The following SAMD12 variants were observed in gnomAD, a reference collection of about 807,000 sequenced individuals.
SAMD12 encodes the protein sterile alpha motif domain-containing protein 12.
Under a neutral mutation model 15.0 loss-of-function variants are expected in SAMD12, and 9 were observed. The observed-to-expected ratio is 0.60, with a 90% confidence interval of 0.36 to 1.05. The LOEUF is 1.05. SAMD12 is among the 50% of genes least tolerant of loss of function. The pLI, the probability that SAMD12 is intolerant of heterozygous loss-of-function variation, is 0.01. For synonymous variants in SAMD12, 86 were observed against 90.1 expected, an observed-to-expected ratio of 0.96 and a Z score of 0.25; for missense variants, 230 against 234.2, an observed-to-expected ratio of 0.98 and a Z score of 0.12.
chr8:118,478,117 C>G (rs1824016641), intron 2 of SAMD12, among the ~76,000 whole-genome samples: 1 of 151,952 alleles, frequency 6.6e-6, no homozygotes, highest in African/African-American at 2.4e-5. Context: ...TAATCACCAT[C>G]CAATTACCTA....
intron 2 of SAMD12, among the ~76,000 whole-genome samples, chr8:118,446,651 T>C (rs906192502): frequency 5.9e-5 from 9 of 152,246 alleles, no homozygotes; most frequent in Non-Finnish European, 1.0e-4. Flanking sequence ...TAAACATTAA[T>C]GCTTCAAAAC....
At chr8:118,255,757 T>A (rs1314404048) in intron 4 of SAMD12, among the ~76,000 whole-genome samples, 1 of 152,060 alleles carries the variant, frequency 6.6e-6, no homozygotes, top group African/African-American at 2.4e-5. Flanking sequence ...TCTATCATTG[T>A]TGGACATTTG....
At chr8:118,417,569 T>C (rs1248583278) in intron 3 of SAMD12, among the ~76,000 whole-genome samples, 3 of 152,214 alleles carry the variant, frequency 2.0e-5, no homozygotes, top group Non-Finnish European at 4.4e-5. Context: ...TAGCAACTTA[T>C]AATAAATTAC....
At chr8:118,360,330 A>G (rs1818428781) in intron 4 of SAMD12, among the ~76,000 whole-genome samples, 1 of 152,190 alleles carries the variant, frequency 6.6e-6, no homozygotes, top group African/African-American at 2.4e-5. Context: ...AACTCAAGGG[A>G]CCAATCGACT....
chr8:118,285,059 A>G (rs1813897304), intron 4 of SAMD12: 1 of 151,446 alleles, frequency 6.6e-6, no homozygotes, highest in Non-Finnish European at 1.5e-5. Flanking sequence ...TCATTTTTAT[A>G]CTCTGTTATA....
chr8:118,620,941 A>T (rs1253731098), intron 1 of SAMD12: 1 of 152,238 alleles, frequency 6.6e-6, no homozygotes, highest in Non-Finnish European at 1.5e-5. Flanking sequence ...CTAATGTGAC[A>T]TCACAAACCC....
chr8:118,304,530 C>A (rs1034786424), intron 4 of SAMD12, among the ~76,000 whole-genome samples: 1 of 151,908 alleles, frequency 6.6e-6, no homozygotes, highest in African/African-American at 2.4e-5. Context: ...GAGGCTGAGC[C>A]GGGTGGATCA....
At chr8:118,397,126 T>A (rs1045779131) in intron 3 of SAMD12, among the ~76,000 whole-genome samples, 6 of 152,206 alleles carry the variant, frequency 3.9e-5, no homozygotes, top group African/African-American at 1.4e-4. Context: ...AAAGTGGGCA[T>A]GTTGCTATAC....
intron 2 of SAMD12, among the ~76,000 whole-genome samples, chr8:118,469,950 G>A (rs1823744036): frequency 6.6e-6 from 1 of 152,060 alleles, no homozygotes; most frequent in African/African-American, 2.4e-5. Flanking sequence ...ACAGAGAAGT[G>A]TCTTAATAAA....
intron 4 of SAMD12, among the ~76,000 whole-genome samples, chr8:118,279,953 G>A (rs1813573060): frequency 6.6e-6 from 1 of 152,208 alleles, no homozygotes; most frequent in Non-Finnish European, 1.5e-5. Flanking sequence ...CCCTATGTTG[G>A]CAAGTTTCTT....
chr8:118,309,328 T>C (rs1443630366), intron 4 of SAMD12, among the ~76,000 whole-genome samples: 1 of 152,158 alleles, frequency 6.6e-6, no homozygotes, highest in African/African-American at 2.4e-5. Flanking sequence ...TATTTCGTTC[T>C]TTCTTATGGC....
intron 3 of SAMD12, among the ~76,000 whole-genome samples, chr8:118,422,610 C>A (rs77381051): frequency 6.6e-6 from 1 of 152,054 alleles, no homozygotes; most frequent in Non-Finnish European, 1.5e-5. Flanking sequence ...GGAATTGTGA[C>A]GTTATTCAGT....
chr8:118,334,871 G>A (rs565729136), intron 4 of SAMD12, among the ~76,000 whole-genome samples: 1 of 152,258 alleles, frequency 6.6e-6, no homozygotes, highest in South Asian at 2.1e-4. Context: ...TGGATTACGG[G>A]CATGAGACAC....
chr8:118,483,997 G>T (rs1476237962), intron 2 of SAMD12, among the ~76,000 whole-genome samples: 1 of 152,184 alleles, frequency 6.6e-6, no homozygotes, highest in African/African-American at 2.4e-5. Context: ...AAAATGTCTA[G>T]CTATATGAAG....
chr8:118,494,498 G>A (rs190015369), intron 2 of SAMD12, among the ~76,000 whole-genome samples: 171 of 152,216 alleles, frequency 1.1e-3, no homozygotes, highest in Non-Finnish European at 2.1e-3. Context: ...TTGGAATATA[G>A]AGTCCATAAG....
At chr8:118,617,240 T>G (rs1312200881) in intron 1 of SAMD12, among the ~76,000 whole-genome samples, 1 of 152,256 alleles carries the variant, frequency 6.6e-6, no homozygotes, top group Non-Finnish European at 1.5e-5. Context: ...AAAGTCATCA[T>G]TTATGGGGCT....
chr8:118,540,229 G>A (rs1825952091), intron 2 of SAMD12, among the ~76,000 whole-genome samples: 1 of 152,172 alleles, frequency 6.6e-6, no homozygotes. Context: ...ATCCTAAGGT[G>A]ACTCCAAATT....
At chr8:118,279,699 A>C (rs563679571) in intron 4 of SAMD12, among the ~76,000 whole-genome samples, 6 of 152,358 alleles carry the variant, frequency 3.9e-5, no homozygotes, top group African/African-American at 1.2e-4. Flanking sequence ...TTATATGCAT[A>C]AGAGGAAATG....
intron 2 of SAMD12, among the ~76,000 whole-genome samples, chr8:118,505,789 CT>C (rs373243325): frequency 6.6e-6 from 1 of 151,914 alleles, no homozygotes; most frequent in Non-Finnish European, 1.5e-5. Flanking sequence ...AAGCAGAATG[CT>C]TTTTGTGAAT....
Sources: allele counts gnomAD v4.1 joint callset (sites outside exome capture counted in the v4.1 genomes callset), GRCh38; gene constraint gnomAD v4.1.1; transcripts MANE v1.5; gene names NCBI Gene and HGNC (gene_info 2026-07-23, HGNC 2026-07-21).